The following HGF variants were observed in gnomAD, a reference collection of about 807,000 sequenced individuals.
HGF encodes fibroblast-derived tumor cytotoxic factor.
In HGF, 39 loss-of-function variants were observed where a neutral mutation model predicts 111.6. That is an observed-to-expected ratio of 0.35 (90% CI 0.27 to 0.46). The LOEUF (loss-of-function observed/expected upper bound fraction) is 0.46, where lower values mean the gene tolerates loss of function less well. HGF is among the 20% of genes least tolerant of loss of function. The pLI, the probability that HGF is intolerant of heterozygous loss-of-function variation, is 1.00. For missense variants in HGF, 735 were observed against 910.5 expected, an observed-to-expected ratio of 0.81 and a Z score of 2.48; for synonymous variants, 285 against 294.8, an observed-to-expected ratio of 0.97 and a Z score of 0.34.
chr7:81,761,683 C>T (rs762088490), intron 2 of HGF, among the ~76,000 whole-genome samples: 1 of 151,744 alleles, frequency 6.6e-6, no homozygotes, highest in Admixed American at 6.6e-5. Context: ...TTGTCACCCT[C>T]TTAGCCCAAA....
chr7:81,758,000 A>C (rs1404229827), intron 3 of HGF, among the ~76,000 whole-genome samples: 1 of 152,114 alleles, frequency 6.6e-6, no homozygotes, highest in African/African-American at 2.4e-5. Flanking sequence ...TTATTTAAAC[A>C]TTTACCCTAT....
At chr7:81,735,658 T>G (rs904649506) in intron 7 of HGF, among the ~76,000 whole-genome samples, 1 of 152,106 alleles carries the variant, frequency 6.6e-6, no homozygotes, top group Non-Finnish European at 1.5e-5. Flanking sequence ...AGGGAAAGGA[T>G]TTTTTTGTAT....
rs1206877755 is a variant in HGF at position 81,725,833 on chromosome 7, C to T, written c.1168+57G>A. The stretch of plus-strand genomic sequence containing the variant: ...TCTTATGCTGTAAAATGTGTCCTCC[C>T]TTTAGGCATTTCCCCTGAATTTAAT... On this transcript the variant is annotated intron_variant, in intron 9 of 17. Transcript: ENST00000222390. The T allele has an allele frequency of 1.1e-5, 17 of 1,591,910 alleles. No individual in the cohort carries two copies. The South Asian group carries it at 1.4e-4, about 13-fold the overall frequency.
chr7:81,711,435 C>G, intron 12 of HGF, 46 bp downstream of exon 12: 1 of 1,113,048 alleles, frequency 9.0e-7, no homozygotes, highest in Non-Finnish European at 1.3e-6. Flanking sequence ...TTCTGACACA[C>G]AGAGAGAGAC....
At chr7:81,757,136 T>A in intron 4 of HGF, 53 bp downstream of exon 4, 1 of 914,962 alleles carries the variant, frequency 1.1e-6, no homozygotes, top group Non-Finnish European at 1.8e-6. Context: ...TATGAGACTG[T>A]TAACATGTAA....
intron 2 of HGF, among the ~76,000 whole-genome samples, chr7:81,759,758 C>G (rs1788968972): frequency 6.6e-6 from 1 of 152,088 alleles, no homozygotes; most frequent in African/African-American, 2.4e-5. Flanking sequence ...CCCGCCTCGG[C>G]CTCCCAAAGT....
At chr7:81,732,819 T>G (rs1787709626) in intron 7 of HGF, among the ~76,000 whole-genome samples, 1 of 152,158 alleles carries the variant, frequency 6.6e-6, no homozygotes, top group South Asian at 2.1e-4. Flanking sequence ...TTTGAAATTT[T>G]AAGAACCTCT....
intron 11 of HGF, among the ~76,000 whole-genome samples, chr7:81,713,994 G>A (rs2115822744): frequency 8.5e-6 from 1 of 118,094 alleles, no homozygotes; most frequent in African/African-American, 3.3e-5. Context: ...GTGTGCGTGT[G>A]TGTGTGTGTG....
rs1789300888 is a variant in HGF at position 81,702,267 on chromosome 7, A to T, written c.*314T>A. 1 of 322,456 alleles carries T rather than the reference A, an allele frequency of 3.1e-6. No homozygotes were observed. Among genetic ancestry groups the T allele is most frequent in the Non-Finnish European group, 5.8e-6 (1 of 173,248 alleles). The allele number at this position is 322,456 out of a possible 1,614,324, so 20.0% of individuals were successfully genotyped here. ...CATCAGAAAGCAGCTTAGACAGATT[A>T]ATTGATTTTTTTTCCCATGAAATCT... On this transcript the variant is annotated 3_prime_UTR_variant, in exon 18 of 18. Transcript: ENST00000222390.
In HGF at chr7:81,707,300, A is replaced by G. The variant is rs2115778647; in HGVS notation, c.1606T>C (p.Phe536Leu). 6.3e-7 allele frequency: 1 copy of G among 1,580,750 alleles called. No individual in the cohort carries two copies. Among genetic ancestry groups the G allele is most frequent in the Non-Finnish European group, 8.7e-7 (1 of 1,150,100 alleles). Residue 536 changes from phenylalanine (F) to leucine (L), a missense_variant, in exon 14 of 18, where the codon TTC (phenylalanine) becomes CTC (leucine). Phe to Leu is a conservative substitution (Grantham distance 22). Transcript: ENST00000222390. ...ESWVLTARQC[F>L]PSRDLKDYEA... ...TTAAAAACACTTTACCGAGAAGGGA[A>G]ACACTGTCGTGCAGTAAGAACCCAA...
intron 2 of HGF, 35 bp from the exon 3 acceptor site, chr7:81,758,839 T>C: frequency 7.7e-7 from 1 of 1,297,464 alleles, no homozygotes. Flanking sequence ...GAAGAAATAC[T>C]ACTATTTATA....
At chr7:81,751,867 T>C in intron 5 of HGF, 1 of 1,318,596 alleles carries the variant, frequency 7.6e-7, no homozygotes, top group East Asian at 3.3e-5. Flanking sequence ...TCTCTTTCAC[T>C]TTCCCCAGAG....
At position 81,702,009 on chromosome 7, in the gene HGF, T is replaced by G; in HGVS notation, c.*572A>C. On this transcript the variant is annotated 3_prime_UTR_variant, in exon 18 of 18. Transcript: ENST00000222390. Reference sequence around the variant, plus strand: ...ACACCATAATTTAAACTGTAGTGCATGCACATGTGTACCTAGGCATGTGTA... The same window carrying G: ...ACACCATAATTTAAACTGTAGTGCAGGCACATGTGTACCTAGGCATGTGTA... 5.7e-6 allele frequency: 1 copy of G among 176,756 alleles called. No homozygotes were observed. The highest frequency in any genetic ancestry group is 6.3e-5 in the Admixed American group (1 of 15,824). 10.9% of individuals were successfully genotyped at this position (176,756 alleles called of 1,614,324 possible).
chr7:81,751,541 G>A, intron 5 of HGF: 1 of 986,130 alleles, frequency 1.0e-6, no homozygotes, highest in Non-Finnish European at 1.2e-6. Flanking sequence ...CCATTGCTTT[G>A]ATCTCTTCAG....
intron 7 of HGF, among the ~76,000 whole-genome samples, chr7:81,731,730 A>G (rs940200851): frequency 6.6e-6 from 1 of 152,200 alleles, no homozygotes; most frequent in African/African-American, 2.4e-5. Context: ...TGATAACTCT[A>G]AAACAGGTAC....
intron 4 of HGF, 118 bp downstream of exon 4, chr7:81,757,071 A>G (rs1788811992): frequency 1.4e-6 from 1 of 714,680 alleles, no homozygotes; most frequent in African/African-American, 1.7e-5. Context: ...CCGTAATACA[A>G]TTCAGCAAGT....
intron 5 of HGF, among the ~76,000 whole-genome samples, chr7:81,750,572 A>T (rs990708383): frequency 2.0e-5 from 3 of 152,168 alleles, no homozygotes; most frequent in Non-Finnish European, 1.5e-5. Flanking sequence ...AGCACTTTTA[A>T]TCTATGTCGC....
intron 14 of HGF, 78 bp downstream of exon 14, chr7:81,707,212 A>G (rs895204415): frequency 2.2e-5 from 18 of 801,878 alleles, no homozygotes; most frequent in Non-Finnish European, 3.7e-5. Context: ...ATGAATACAT[A>G]TTATAACCTT....
At chr7:81,763,000 G>C in intron 1 of HGF, 128 bp from the exon 2 acceptor site, 1 of 655,484 alleles carries the variant, frequency 1.5e-6, no homozygotes, top group Non-Finnish European at 2.7e-6. Context: ...AGATTTCCAG[G>C]GGTTAGGAGC....
Sources: allele counts gnomAD v4.1 joint callset (sites outside exome capture counted in the v4.1 genomes callset), GRCh38; gene constraint gnomAD v4.1.1; transcripts MANE v1.5; gene names NCBI Gene and HGNC (gene_info 2026-07-23, HGNC 2026-07-21).